CACNG3: variants seen among roughly 807,000 people sequenced by gnomAD.
CACNG3 encodes the protein voltage-dependent calcium channel gamma-3 subunit.
In CACNG3, 3 loss-of-function variants were observed where a neutral mutation model predicts 28.5. The ratio of observed to expected loss-of-function variants is 0.11; its 90% CI spans 0.05 to 0.27. CACNG3 has a LOEUF of 0.27. Ranked by LOEUF, CACNG3 falls within the 10% of genes least tolerant of loss-of-function variation. The probability of loss-of-function intolerance (pLI) is 1.00; values close to 1 mark genes in which losing one functional copy is unlikely to be tolerated. For missense variants in CACNG3, 236 were observed against 414.4 expected, an observed-to-expected ratio of 0.57 and a Z score of 3.74; for synonymous variants, 174 against 162.2, an observed-to-expected ratio of 1.07 and a Z score of -0.55.
At chr16:24,313,073 G>GAGGA (rs71154300) in intron 1 of CACNG3, among the ~76,000 whole-genome samples, 17,340 of 137,914 alleles carry the variant, frequency 0.13, 1,341 homozygotes, top group Admixed American at 0.17. Context: ...GCGAGGGAGG[G>GAGGA]AGGAAGGAAG....
At chr16:24,302,773 C>T (rs562265731) in intron 1 of CACNG3, among the ~76,000 whole-genome samples, 1 of 152,206 alleles carries the variant, frequency 6.6e-6, no homozygotes, top group Non-Finnish European at 1.5e-5. Context: ...GATTCTCGTG[C>T]CTCAGCTGCC....
chr16:24,336,324 T>G (rs1596647545), intron 1 of CACNG3, among the ~76,000 whole-genome samples: 1 of 148,528 alleles, frequency 6.7e-6, no homozygotes. Flanking sequence ...CAGGCTGGAC[T>G]GTAGTGGCGT....
intron 2 of CACNG3, among the ~76,000 whole-genome samples, chr16:24,349,650 A>G (rs1899914962): frequency 6.6e-6 from 1 of 152,198 alleles, no homozygotes; most frequent in Admixed American, 6.5e-5. Flanking sequence ...TATAATTAGC[A>G]TATAATGAGC....
intron 1 of CACNG3, among the ~76,000 whole-genome samples, chr16:24,321,793 C>T (rs1688657646): frequency 2.0e-5 from 3 of 152,170 alleles, no homozygotes; most frequent in African/African-American, 7.2e-5. Context: ...GTTATGGCCA[C>T]AGTGAGTGAT....
intron 1 of CACNG3, among the ~76,000 whole-genome samples, chr16:24,337,618 A>G (rs1899729493): frequency 6.6e-6 from 1 of 151,888 alleles, no homozygotes; most frequent in African/African-American, 2.4e-5. Flanking sequence ...AGAGTTTGAG[A>G]CCTGCCTGGG....
At chr16:24,301,228 T>C (rs1320502585) in intron 1 of CACNG3, among the ~76,000 whole-genome samples, 1 of 149,902 alleles carries the variant, frequency 6.7e-6, no homozygotes, top group Non-Finnish European at 1.5e-5. Context: ...AAAAAGCATA[T>C]GAGCTCAATT....
At chr16:24,269,338 C>T (rs773639955) in intron 1 of CACNG3, among the ~76,000 whole-genome samples, 13 of 152,164 alleles carry the variant, frequency 8.5e-5, no homozygotes, top group Non-Finnish European at 1.6e-4. Context: ...TAATCCCTAA[C>T]AATTACTGTT....
At chr16:24,346,352 C>T (rs1012643498) in intron 1 of CACNG3, among the ~76,000 whole-genome samples, 8 of 152,048 alleles carry the variant, frequency 5.3e-5, no homozygotes, top group Admixed American at 2.0e-4. Flanking sequence ...AAGGGAGGAT[C>T]GCTTGTGGCC....
intron 1 of CACNG3, among the ~76,000 whole-genome samples, chr16:24,321,909 CG>C (rs1355411805): frequency 6.6e-6 from 1 of 152,074 alleles, no homozygotes; most frequent in Non-Finnish European, 1.5e-5. Flanking sequence ...TAGGTAGGTA[CG>C]TAGAGGAAAA....
chr16:24,301,206 GAA>G (rs745765634), intron 1 of CACNG3, among the ~76,000 whole-genome samples: 38 of 98,320 alleles, frequency 3.9e-4, no homozygotes, highest in African/African-American at 1.3e-3. Context: ...GTGAGACTCT[GAA>G]AAAAAAAAAA....
intron 3 of CACNG3, among the ~76,000 whole-genome samples, chr16:24,359,361 G>A (rs1016991938): frequency 3.9e-5 from 6 of 152,096 alleles, no homozygotes; most frequent in Non-Finnish European, 8.8e-5. Flanking sequence ...AAGAGGAGCT[G>A]TTTGTCACCC....
intron 1 of CACNG3, among the ~76,000 whole-genome samples, chr16:24,308,954 T>G (rs1899225053): frequency 6.6e-6 from 1 of 151,904 alleles, no homozygotes; most frequent in Non-Finnish European, 1.5e-5. Context: ...GCCACTGGCC[T>G]GGCTACATTT....
intron 1 of CACNG3, among the ~76,000 whole-genome samples, chr16:24,308,359 T>C (rs1287340833): frequency 6.6e-6 from 1 of 152,156 alleles, no homozygotes; most frequent in East Asian, 1.9e-4. Flanking sequence ...ACTCTTCTAG[T>C]GCCTGCAGCA....
intron 1 of CACNG3, among the ~76,000 whole-genome samples, chr16:24,305,845 T>A (rs557091553): frequency 6.6e-6 from 1 of 151,972 alleles, no homozygotes; most frequent in Admixed American, 6.6e-5. Context: ...AGGAAAAAAA[T>A]TATTTTATAG....
rs1899723457 is a variant in CACNG3 at position 24,337,154 on chromosome 16, G to A, written c.212-9580G>A. Among the ~76,000 whole-genome samples, 3 of 152,152 alleles carry A rather than the reference G, an allele frequency of 2.0e-5. No individual in the cohort carries two copies. The South Asian group carries it at 6.2e-4, about 32-fold the overall frequency. On this transcript the variant is annotated intron_variant, in intron 1 of 3. Coordinates refer to ENST00000005284, the MANE Select transcript of CACNG3 (RefSeq NM_006539.4). Reference sequence around the variant, plus strand: ...AGATAGGAATCTTGAGAGGACGTGAGCATTCAGTCCATTGCACAAGGCCAT... The same window carrying A: ...AGATAGGAATCTTGAGAGGACGTGAACATTCAGTCCATTGCACAAGGCCAT...
At chr16:24,312,800 C>T (rs192181079) in intron 1 of CACNG3, among the ~76,000 whole-genome samples, 1 of 149,836 alleles carries the variant, frequency 6.7e-6, no homozygotes, top group Non-Finnish European at 1.5e-5. Flanking sequence ...CCCTGGACCA[C>T]AGAGTGAGAC....
intron 1 of CACNG3, among the ~76,000 whole-genome samples, chr16:24,313,717 C>T (rs1311691959): frequency 1.3e-5 from 2 of 152,070 alleles, no homozygotes; most frequent in Non-Finnish European, 2.9e-5. Flanking sequence ...GCCTCAGCCT[C>T]CCAAAGTGAC....
rs140084669 is a variant in CACNG3, at chr16:24,314,189, G to A, written c.212-32545G>A. On this transcript the variant is annotated intron_variant, in intron 1 of 3. Coordinates refer to ENST00000005284, the MANE Select transcript of CACNG3 (RefSeq NM_006539.4). ...TTGTCATGGGTTACTGGTGTGCTGA[G>A]CAGGACCAGTACATAATTTATGGGG... Among the ~76,000 whole-genome samples the A allele has an allele frequency of 1.0e-3, 153 of 152,302 alleles. 1 individual carries two copies. The highest frequency in any genetic ancestry group is 3.6e-3 in the African/African-American group (149 of 41,566).
chr16:24,355,891 G>T (rs1900025431), intron 3 of CACNG3, among the ~76,000 whole-genome samples: 2 of 152,144 alleles, frequency 1.3e-5, no homozygotes, highest in African/African-American at 4.8e-5. Context: ...AGATGCTCTG[G>T]GGGAAGACCT....
Sources: gnomAD v4.1 joint callset for allele counts (sites outside exome capture counted in the v4.1 genomes callset) on GRCh38, gnomAD v4.1.1 for gene constraint, MANE v1.5 for transcripts, NCBI Gene and HGNC (gene_info 2026-07-23, HGNC 2026-07-21) for gene names.